PDE4D: variants seen among roughly 807,000 people sequenced by gnomAD.
The protein encoded by PDE4D is phosphodiesterase 4D, also known as 3',5'-cyclic-AMP phosphodiesterase 4D.
PDE4D carries 24 observed loss-of-function variants against 87.4 expected under a neutral mutation model. That is an observed-to-expected ratio of 0.27 (90% CI 0.20 to 0.39). The LOEUF (loss-of-function observed/expected upper bound fraction) is 0.39, where lower values mean the gene tolerates loss of function less well. Ranked by LOEUF, PDE4D falls within the 10% of genes least tolerant of loss-of-function variation. The probability of loss-of-function intolerance (pLI) is 1.00; values close to 1 mark genes in which losing one functional copy is unlikely to be tolerated. For synonymous variants in PDE4D, 384 were observed against 383.2 expected, an observed-to-expected ratio of 1.00 and a Z score of -0.02; for missense variants, 714 against 1,041.0, an observed-to-expected ratio of 0.69 and a Z score of 4.32.
intron 5 of PDE4D, among the ~76,000 whole-genome samples, chr5:59,106,616 C>T (rs1437907704): frequency 3.3e-5 from 5 of 152,076 alleles, no homozygotes; most frequent in Non-Finnish European, 4.4e-5. Context: ...CAAAATCAGC[C>T]GGGCGTGGTG....
intron 1 of PDE4D, among the ~76,000 whole-genome samples, chr5:59,478,094 A>G (rs1270616067): frequency 6.6e-6 from 1 of 152,008 alleles, no homozygotes; most frequent in Non-Finnish European, 1.5e-5. Context: ...ATTGGATGCT[A>G]TGCTCACTAT....
At chr5:60,157,651 G>C (rs571019929) in intron 2 of PDE4D, among the ~76,000 whole-genome samples, 5 of 152,072 alleles carry the variant, frequency 3.3e-5, no homozygotes, top group Non-Finnish European at 5.9e-5. Context: ...AAAAAAGATA[G>C]CCAACATTAA....
chr5:60,166,617 A>C (rs1432008887), intron 2 of PDE4D, among the ~76,000 whole-genome samples: 1 of 152,220 alleles, frequency 6.6e-6, no homozygotes, highest in African/African-American at 2.4e-5. Context: ...TTGACTATGT[A>C]CTTTTACCAA....
chr5:59,865,948 C>T (rs1746966851), intron 1 of PDE4D, among the ~76,000 whole-genome samples: 2 of 152,236 alleles, frequency 1.3e-5, no homozygotes, highest in African/African-American at 2.4e-5. Context: ...AACGCTTTGC[C>T]TCCAGCACTG....
At chr5:60,444,912 G>GA (rs34069629) in intron 1 of PDE4D, among the ~76,000 whole-genome samples, 20,958 of 138,030 alleles carry the variant, frequency 0.15, 1,634 homozygotes, top group African/African-American at 0.19. Context: ...CCTCTACTCA[G>GA]AAAAAAAAAA....
At chr5:59,832,548 A>G (rs893003366) in intron 1 of PDE4D, among the ~76,000 whole-genome samples, 3 of 152,108 alleles carry the variant, frequency 2.0e-5, no homozygotes, top group Non-Finnish European at 2.9e-5. Context: ...GCTTCTACAG[A>G]ATATGTTTAG....
chr5:59,754,797 A>ATTT (rs754869518), intron 1 of PDE4D, among the ~76,000 whole-genome samples: 3,430 of 96,850 alleles, frequency 0.035, 733 homozygotes, highest in Non-Finnish European at 0.046. Flanking sequence ...TCCACAGAAC[A>ATTT]TTTTTTTTTT....
intron 1 of PDE4D, among the ~76,000 whole-genome samples, chr5:59,389,390 T>G (rs1787778215): frequency 6.6e-6 from 1 of 151,736 alleles, no homozygotes; most frequent in Admixed American, 6.6e-5. Context: ...TATAAAATTT[T>G]AATATATATT....
rs75657311 is a variant in PDE4D, at chr5:60,329,833, G to A, written c.-89-144146C>T. On this transcript the variant is annotated intron_variant, in intron 1 of 16. Transcript: ENST00000502484. The stretch of plus-strand genomic sequence containing the variant: ...ATGTCAATGCAATCTAAACTTGAAC[G>A]ACTTTAAAAATGACCAAAGCCTGCA... Among the ~76,000 whole-genome samples the A allele has an allele frequency of 7.0e-4, 107 of 152,210 alleles. 1 individual carries two copies. In the East Asian group the frequency reaches 0.019, roughly 27 times the overall value.
At chr5:59,163,381 C>T (rs1192683631) in intron 5 of PDE4D, among the ~76,000 whole-genome samples, 1 of 151,824 alleles carries the variant, frequency 6.6e-6, no homozygotes, top group Non-Finnish European at 1.5e-5. Flanking sequence ...AAGCGATTCT[C>T]CTGCCTCAGT....
intron 1 of PDE4D, among the ~76,000 whole-genome samples, chr5:60,216,930 AT>A (rs896762516): frequency 6.6e-6 from 1 of 152,076 alleles, no homozygotes; most frequent in Non-Finnish European, 1.5e-5. Flanking sequence ...ACAATAACCA[AT>A]TTGATCTAAT....
At chr5:59,595,083 C>T (rs902188480) in intron 1 of PDE4D, among the ~76,000 whole-genome samples, 1 of 152,134 alleles carries the variant, frequency 6.6e-6, no homozygotes. Flanking sequence ...CAAGCATTAA[C>T]ATTTTATACC....
chr5:60,508,197 C>A (rs779018382), intron 1 of PDE4D, among the ~76,000 whole-genome samples: 1 of 152,216 alleles, frequency 6.6e-6, no homozygotes, highest in African/African-American at 2.4e-5. Flanking sequence ...TGTGAACCTA[C>A]GTTGGGTTCC....
chr5:59,293,536 C>T (rs1768463178), intron 1 of PDE4D, among the ~76,000 whole-genome samples: 1 of 152,110 alleles, frequency 6.6e-6, no homozygotes. Context: ...TGCTCAATTG[C>T]TCAGTGGATA....
chr5:59,853,032 A>G (rs1435541206), intron 1 of PDE4D, among the ~76,000 whole-genome samples: 7 of 152,126 alleles, frequency 4.6e-5, no homozygotes, highest in African/African-American at 1.7e-4. Flanking sequence ...CCTTGATTAT[A>G]TTTAACACTC....
At chr5:60,181,758 A>C (rs990135888) in intron 2 of PDE4D, among the ~76,000 whole-genome samples, 5 of 152,208 alleles carry the variant, frequency 3.3e-5, no homozygotes, top group African/African-American at 9.6e-5. Flanking sequence ...ATACACAAGA[A>C]AATTTATTAA....
At chr5:59,828,315 T>A (rs1478133330) in intron 1 of PDE4D, among the ~76,000 whole-genome samples, 1 of 152,084 alleles carries the variant, frequency 6.6e-6, no homozygotes, top group Non-Finnish European at 1.5e-5. Context: ...AGAAAATATT[T>A]TTTTCCTTTT....
At chr5:60,160,712 G>A in intron 2 of PDE4D, 1 of 380,708 alleles carries the variant, frequency 2.6e-6, no homozygotes, top group Non-Finnish European at 5.1e-6. Context: ...ATGGTTCTAT[G>A]GACTCTTACT....
intron 1 of PDE4D, among the ~76,000 whole-genome samples, chr5:60,293,098 C>A (rs1333908563): frequency 2.0e-5 from 3 of 151,430 alleles, no homozygotes; most frequent in South Asian, 2.1e-4. Context: ...CTCTGCCCCC[C>A]CAAGTTCAAG....
Sources: gnomAD v4.1 joint callset for allele counts (sites outside exome capture counted in the v4.1 genomes callset) on GRCh38, gnomAD v4.1.1 for gene constraint, MANE v1.5 for transcripts, NCBI Gene and HGNC (gene_info 2026-07-23, HGNC 2026-07-21) for gene names.